The following MYO16 variants were observed in gnomAD, a reference collection of about 807,000 sequenced individuals.
The protein encoded by MYO16 is unconventional myosin-XVI.
A neutral mutation model predicts 205.3 loss-of-function variants in MYO16; 94 were observed. The ratio of observed to expected loss-of-function variants is 0.46; its 90% CI spans 0.39 to 0.54. MYO16 has a LOEUF of 0.54. Ranked by LOEUF, MYO16 falls within the 20% of genes least tolerant of loss-of-function variation. MYO16 has a pLI of 0.00. For missense variants in MYO16, 2,315 were observed against 2,387.5 expected (o/e 0.97, Z 0.63); for synonymous variants, 988 against 954.0 (o/e 1.04, Z -0.66).
chr13:109,176,230 T>C (rs1481018247), intron 33 of MYO16, among the ~76,000 whole-genome samples: 2 of 152,186 alleles, frequency 1.3e-5, no homozygotes, highest in Admixed American at 6.5e-5. Flanking sequence ...CTTAATGAAA[T>C]TGAATATGTG....
the MYO16 span, among the ~76,000 whole-genome samples, chr13:108,559,321 T>A: frequency 3.3e-5 from 5 of 152,058 alleles, no homozygotes; most frequent in Non-Finnish European, 5.9e-5. Context: ...AACAAATGCA[T>A]GGAGCAGGTT....
At chr13:109,144,454 G>C (rs1877239363) in intron 32 of MYO16, among the ~76,000 whole-genome samples, 1 of 152,202 alleles carries the variant, frequency 6.6e-6, no homozygotes, top group Admixed American at 6.5e-5. Flanking sequence ...AGCATTCAGT[G>C]CTGGTGCTCA....
At chr13:108,551,676 G>C in the MYO16 span, among the ~76,000 whole-genome samples, 1 of 151,874 alleles carries the variant, frequency 6.6e-6, no homozygotes, top group African/African-American at 2.4e-5. Flanking sequence ...GTTGCCCAGG[G>C]GATAAATTTT....
chr13:108,878,440 T>C (rs566508550), intron 12 of MYO16, among the ~76,000 whole-genome samples: 1 of 152,226 alleles, frequency 6.6e-6, no homozygotes, highest in African/African-American at 2.4e-5. Context: ...CTTCCCACTC[T>C]ATCCCCTTTC....
Position 109,061,063 on chromosome 13 carries a change from A to G in MYO16, c.3335+5468A>G, listed in dbSNP as rs146245077. Among the ~76,000 whole-genome samples, 7 of 152,126 alleles carry G rather than the reference A, an allele frequency of 4.6e-5. No individual in the cohort carries two copies. The East Asian group carries it at 1.2e-3, about 25-fold the overall frequency. On this transcript the variant is annotated intron_variant, in intron 27 of 34. Coordinates refer to ENST00000457511, the MANE Select transcript of MYO16 (RefSeq NM_001198950.3). ...GAGACAGTTTGTTTCCTCAAATCTC[A>G]TGAATCAACCTCTGTTATCTTCCAG...
intron 17 of MYO16, 30 bp downstream of exon 17, chr13:108,957,829 A>G (rs759613547): frequency 6.7e-7 from 1 of 1,489,206 alleles, no homozygotes; most frequent in East Asian, 2.3e-5. Context: ...TTTCACTGAG[A>G]AAATCAACCT....
intron 32 of MYO16, among the ~76,000 whole-genome samples, chr13:109,164,376 G>A (rs542886313): frequency 1.3e-5 from 2 of 152,300 alleles, no homozygotes; most frequent in South Asian, 4.1e-4. Context: ...CATAGGACAA[G>A]CATTACATAT....
chr13:109,194,221 C>T (rs186141271), intron 34 of MYO16, among the ~76,000 whole-genome samples: 3 of 152,280 alleles, frequency 2.0e-5, no homozygotes, highest in African/African-American at 4.8e-5. Flanking sequence ...ATAGAACCCA[C>T]CACAGTTCCT....
chr13:109,042,466 G>A (rs1293153396), intron 23 of MYO16, among the ~76,000 whole-genome samples: 3 of 151,962 alleles, frequency 2.0e-5, no homozygotes, highest in Admixed American at 6.6e-5. Flanking sequence ...TGTCCCGGAG[G>A]GAATACTTGA....
chr13:108,869,639 C>G lies in MYO16; in HGVS notation c.1425+3397C>G, dbSNP rs1276449668. On this transcript the variant is annotated intron_variant, in intron 12 of 34. Transcript: ENST00000457511. ...CCAGCTACTCGGGAGGCTGAGGCAG[C>G]AGAATGGCGTGAACCCGGGAGGCGG... Among the ~76,000 whole-genome samples the G allele has an allele frequency of 1.5e-3, 215 of 142,734 alleles. 1 individual carries two copies. The highest frequency in any genetic ancestry group is 5.9e-3 in the South Asian group (27 of 4,556). The allele number at this position is 142,734 out of a possible 152,430, so 93.6% of individuals were successfully genotyped here. A position where few individuals can be genotyped will look rare whatever the true frequency, so the allele number is the denominator to read the frequency against.
At chr13:109,186,481 C>T (rs1472224249) in intron 34 of MYO16, among the ~76,000 whole-genome samples, 4 of 152,062 alleles carry the variant, frequency 2.6e-5, no homozygotes, top group Admixed American at 6.6e-5. Context: ...GCAGGGAGAT[C>T]GATGATGCTC....
intron 16 of MYO16, among the ~76,000 whole-genome samples, chr13:108,922,342 G>T (rs940293862): frequency 2.0e-5 from 3 of 152,212 alleles, no homozygotes; most frequent in Non-Finnish European, 4.4e-5. Flanking sequence ...GCAAGGCTCA[G>T]CTTCTGTGTG....
At chr13:108,502,792 C>A in the MYO16 span, among the ~76,000 whole-genome samples, 1 of 152,262 alleles carries the variant, frequency 6.6e-6, no homozygotes, top group South Asian at 2.1e-4. Flanking sequence ...GAAATCATTT[C>A]ATGAGCTCTC....
chr13:108,704,402 A>G (rs553099865), intron 2 of MYO16, among the ~76,000 whole-genome samples: 1 of 152,204 alleles, frequency 6.6e-6, no homozygotes, highest in Non-Finnish European at 1.5e-5. Context: ...GATGGTTTCC[A>G]TGATGAGTTA....
At chr13:109,076,587 A>T (rs1265688262) in intron 27 of MYO16, among the ~76,000 whole-genome samples, 1 of 152,156 alleles carries the variant, frequency 6.6e-6, no homozygotes, top group Non-Finnish European at 1.5e-5. Context: ...TATTTTCTAC[A>T]TTCTTCCATG....
At chr13:108,504,697 A>G in the MYO16 span, among the ~76,000 whole-genome samples, 2 of 151,762 alleles carry the variant, frequency 1.3e-5, no homozygotes, top group Admixed American at 6.6e-5. Flanking sequence ...CACCATGCCC[A>G]GCTAATTTTT....
intron 7 of MYO16, among the ~76,000 whole-genome samples, chr13:108,818,340 C>T (rs1429147962): frequency 4.7e-5 from 7 of 150,086 alleles, no homozygotes; most frequent in African/African-American, 9.8e-5. Flanking sequence ...GCCAAGATGG[C>T]GCCACTGCAC....
intron 24 of MYO16, among the ~76,000 whole-genome samples, chr13:109,048,086 AT>A (rs1887104578): frequency 1.3e-5 from 2 of 151,674 alleles, no homozygotes; most frequent in Non-Finnish European, 2.9e-5. Context: ...TGGAGATCTA[AT>A]ATATAGCATG....
At chr13:108,956,957 C>G (rs1883373184) in intron 16 of MYO16, among the ~76,000 whole-genome samples, 1 of 152,106 alleles carries the variant, frequency 6.6e-6, no homozygotes. Flanking sequence ...AGGAGTAAAT[C>G]AATGGCATAA....
Sources: gnomAD v4.1 joint callset for allele counts (sites outside exome capture counted in the v4.1 genomes callset) on GRCh38, gnomAD v4.1.1 for gene constraint, MANE v1.5 for transcripts, NCBI Gene and HGNC (gene_info 2026-07-23, HGNC 2026-07-21) for gene names.